MCHR2: variants seen among roughly 807,000 people sequenced by gnomAD.
The protein encoded by MCHR2 is melanin concentrating hormone receptor 2.
In MCHR2, 15 loss-of-function variants were observed where a neutral mutation model predicts 24.8. The ratio of observed to expected loss-of-function variants is 0.60; its 90% CI spans 0.40 to 0.93. The LOEUF (loss-of-function observed/expected upper bound fraction) is 0.93. MCHR2 is among the 40% of genes least tolerant of loss of function. MCHR2 has a pLI of 0.00. For synonymous variants in MCHR2, 151 were observed against 147.6 expected, an observed-to-expected ratio of 1.02 and a Z score of -0.17; for missense variants, 386 against 408.7, an observed-to-expected ratio of 0.94 and a Z score of 0.48.
chr6:99,925,904 T>C (rs1774344797), intron 5 of MCHR2, among the ~76,000 whole-genome samples: 3 of 151,750 alleles, frequency 2.0e-5, no homozygotes, highest in Admixed American at 1.3e-4. Context: ...TACATATGTA[T>C]ACATGTGCCA....
chr6:99,969,281 C>G (rs570556673), intron 1 of MCHR2, among the ~76,000 whole-genome samples: 1 of 151,910 alleles, frequency 6.6e-6, no homozygotes, highest in Non-Finnish European at 1.5e-5. Context: ...CAAGACCAGC[C>G]TGGCCAACAT....
chr6:99,932,924 C>A (rs1175918229), intron 5 of MCHR2, among the ~76,000 whole-genome samples: 4 of 152,010 alleles, frequency 2.6e-5, no homozygotes, highest in African/African-American at 9.7e-5. Flanking sequence ...GACAAATATC[C>A]TAGGTAATGT....
At chr6:99,976,190 C>A (rs1775548640) in intron 1 of MCHR2, among the ~76,000 whole-genome samples, 1 of 152,134 alleles carries the variant, frequency 6.6e-6, no homozygotes, top group Admixed American at 6.5e-5. Flanking sequence ...GATTAACTGC[C>A]TAACAAACCT....
intron 1 of MCHR2, among the ~76,000 whole-genome samples, chr6:99,973,281 C>T: frequency 6.6e-6 from 1 of 151,710 alleles, no homozygotes; most frequent in Non-Finnish European, 1.5e-5. Context: ...TGATAGTTAG[C>T]TCTTCTTGTT....
intron 4 of MCHR2, among the ~76,000 whole-genome samples, chr6:99,940,048 A>C (rs755512946): frequency 6.6e-6 from 1 of 151,578 alleles, no homozygotes; most frequent in African/African-American, 2.4e-5. Flanking sequence ...AGAGTTTATT[A>C]TATGCCTTGG....
chr6:99,980,449 C>A (rs755462563), intron 1 of MCHR2, among the ~76,000 whole-genome samples: 1 of 152,124 alleles, frequency 6.6e-6, no homozygotes, highest in African/African-American at 2.4e-5. Context: ...CAAGATAATT[C>A]TATAGAACTA....
At chr6:99,931,072 C>A (rs1026669726) in intron 5 of MCHR2, among the ~76,000 whole-genome samples, 1 of 152,212 alleles carries the variant, frequency 6.6e-6, no homozygotes, top group African/African-American at 2.4e-5. Flanking sequence ...CCCTCAGCTG[C>A]AGGTCTGTTG....
rs1271760583 is a variant in MCHR2, at chr6:99,942,953, G to A, written c.583C>T (p.Leu195Phe). 6.2e-7 allele frequency: 1 copy of A among 1,609,986 alleles called. No individual in the cohort carries two copies. The change falls in exon 4 of 6, where the codon CTC becomes TTC. Residue 195 changes from leucine (L) to phenylalanine (F), a missense_variant. Transcript: ENST00000281806. Reference protein sequence around the residue: ...AFDLTSPDDVLWYTLYLTITT... With the variant: ...AFDLTSPDDVFWYTLYLTITT... ...TCTTAAGTTTTCACAACTTACCAGA[G>A]TACATCGTCAGGGGATGTCAAATCA...
chr6:99,928,165 C>A (rs1043475256), intron 5 of MCHR2, among the ~76,000 whole-genome samples: 3 of 152,192 alleles, frequency 2.0e-5, no homozygotes, highest in Non-Finnish European at 4.4e-5. Flanking sequence ...ATTGAACCAG[C>A]CTTGCATCCC....
intron 1 of MCHR2, among the ~76,000 whole-genome samples, chr6:99,985,833 G>A (rs1167176187): frequency 2.0e-5 from 3 of 151,882 alleles, no homozygotes; most frequent in African/African-American, 4.8e-5. Flanking sequence ...GGATTTAATC[G>A]AACTAAAAAT....
intron 5 of MCHR2, among the ~76,000 whole-genome samples, chr6:99,927,847 G>A (rs1275336734): frequency 6.6e-6 from 1 of 151,968 alleles, no homozygotes; most frequent in Non-Finnish European, 1.5e-5. Context: ...CTGCATAATT[G>A]CCCTGGCCAG....
chr6:99,990,669 A>G (rs1274280792), intron 1 of MCHR2, among the ~76,000 whole-genome samples: 1 of 152,162 alleles, frequency 6.6e-6, no homozygotes, highest in Non-Finnish European at 1.5e-5. Flanking sequence ...CATTAATTTT[A>G]CACAATCAAT....
chr6:99,959,732 A>G (rs1775140682), intron 1 of MCHR2, among the ~76,000 whole-genome samples: 1 of 150,498 alleles, frequency 6.6e-6, no homozygotes, highest in African/African-American at 2.4e-5. Context: ...TAAAGTTTCA[A>G]CAGCAGACTT....
chr6:99,957,568 C>T (rs1231093044), intron 1 of MCHR2, among the ~76,000 whole-genome samples: 1 of 151,730 alleles, frequency 6.6e-6, no homozygotes, highest in Non-Finnish European at 1.5e-5. Context: ...TTTTCTAGTA[C>T]AATGGGGGAA....
At chr6:99,945,023 C>G (rs1321748831) in intron 3 of MCHR2, among the ~76,000 whole-genome samples, 2 of 152,134 alleles carry the variant, frequency 1.3e-5, no homozygotes, top group African/African-American at 4.8e-5. Context: ...TTAGGGAAGA[C>G]TTCTCTGACC....
At chr6:99,931,075 G>A (rs1774515820) in intron 5 of MCHR2, among the ~76,000 whole-genome samples, 1 of 152,202 alleles carries the variant, frequency 6.6e-6, no homozygotes, top group South Asian at 2.1e-4. Context: ...TCAGCTGCAG[G>A]TCTGTTGGAG....
At chr6:99,955,889 A>C in intron 2 of MCHR2, 77 bp downstream of exon 2, 1 of 1,185,330 alleles carries the variant, frequency 8.4e-7, no homozygotes. Context: ...TACAGGGGAA[A>C]GGACTCATTT....
chr6:99,971,555 C>G (rs1775420982), intron 1 of MCHR2, among the ~76,000 whole-genome samples: 1 of 152,030 alleles, frequency 6.6e-6, no homozygotes, highest in African/African-American at 2.4e-5. Flanking sequence ...CCTTTATTTC[C>G]TTCTCCTGCC....
chr6:99,974,330 A>C (rs1342493787), intron 1 of MCHR2, among the ~76,000 whole-genome samples: 1 of 151,980 alleles, frequency 6.6e-6, no homozygotes, highest in African/African-American at 2.4e-5. Context: ...ACACTGATAC[A>C]CTTTCTTCCA....
Sources: allele counts gnomAD v4.1 joint callset (sites outside exome capture counted in the v4.1 genomes callset), GRCh38; gene constraint gnomAD v4.1.1; transcripts MANE v1.5; gene names NCBI Gene and HGNC (gene_info 2026-07-23, HGNC 2026-07-21).